Variants in TRIM3 observed in about 807,000 individuals in gnomAD.
The protein encoded by TRIM3 is tripartite motif-containing protein 3.
In TRIM3, 13 loss-of-function variants were observed where a neutral mutation model predicts 66.6. That is an observed-to-expected ratio of 0.20 (90% CI 0.13 to 0.31). The LOEUF (loss-of-function observed/expected upper bound fraction) is 0.31. Among genes scored for constraint, TRIM3 ranks in the 10% least tolerant of loss-of-function variants. The pLI is 1.00. For missense variants in TRIM3, 711 were observed against 1,020.4 expected (o/e 0.70, Z 4.13); for synonymous variants, 406 against 411.7 (o/e 0.99, Z 0.17).
rs750495638 is a variant in TRIM3, at chr11:6,449,299, TACTC to T, written c.2082+3_2082+6del. On this transcript the variant is annotated splice_donor_5th_base_variant and intron_variant, in intron 11 of 11. Transcript: ENST00000345851. This position sits in a 1 kb window ranked among gnomAD's most constrained non-coding sequence, Gnocchi z 5.3. ...GCCCCCTCATGTCATTCCCAGGCCT[TACTC>T]ACCTGGATGCGGCTGTTGCCCCAGT... 86 of 1,613,458 alleles carry T rather than the reference TACTC, an allele frequency of 5.3e-5. No individual in the cohort carries two copies. The highest frequency in any genetic ancestry group is 7.6e-6 in the Non-Finnish European group (9 of 1,179,578).
chr11:6,466,759 A>C (rs1850488330), intron 1 of TRIM3, among the ~76,000 whole-genome samples: 1 of 152,020 alleles, frequency 6.6e-6, no homozygotes, highest in Non-Finnish European at 1.5e-5. Context: ...CACCTCCTTT[A>C]GAAGACCTTC....
In TRIM3 at chr11:6,448,758, A is replaced by G; in HGVS notation, c.*270T>C. 1.6e-6 allele frequency: 1 copy of G among 614,516 alleles called. No homozygotes were observed. The highest frequency in any genetic ancestry group is 2.9e-6 in the Non-Finnish European group (1 of 346,334). 38.1% of individuals were successfully genotyped at this position (614,516 alleles called of 1,614,324 possible). ...AGGCTGGGGGATGGGGAGCAGACTG[A>G]CAGGGGTGGGGAGGTGTGTAAGAAG... is the stretch of plus-strand genomic sequence containing the variant. On this transcript the variant is annotated 3_prime_UTR_variant, in exon 12 of 12. Coordinates refer to ENST00000345851, the MANE Select transcript of TRIM3 (RefSeq NM_033278.4).
Position 6,449,682 on chromosome 11 carries a change from C to CAAAGAA in TRIM3, c.1942-237_1942-236insTTCTTT. Reference sequence around the variant, plus strand: ...TCATTTTCTTTGGGAAATCAGTTCTCTTAGTTCTCTATCTCAATGACTGGT... The same window carrying CAAAGAA: ...TCATTTTCTTTGGGAAATCAGTTCTCAAAGAATTAGTTCTCTATCTCAATGACTGGT... On this transcript the variant is annotated intron_variant, in intron 10 of 11. Coordinates refer to ENST00000345851, the MANE Select transcript of TRIM3 (RefSeq NM_033278.4). This position sits in a 1 kb window ranked among gnomAD's most constrained non-coding sequence, Gnocchi z 5.3. 2 of 463,920 alleles carry CAAAGAA rather than the reference C, an allele frequency of 4.3e-6. No individual in the cohort carries two copies. Among genetic ancestry groups the CAAAGAA allele is most frequent in the South Asian group, 7.9e-5 (2 of 25,418 alleles). The allele number at this position is 463,920 out of a possible 1,614,324, so 28.7% of individuals were successfully genotyped here.
At chr11:6,465,955 C>A (rs1051502380) in intron 1 of TRIM3, among the ~76,000 whole-genome samples, 1 of 152,202 alleles carries the variant, frequency 6.6e-6, no homozygotes, top group South Asian at 2.1e-4. Flanking sequence ...GGCTCAGTCT[C>A]TCACCAGCTA....
chr11:6,450,645 G>A lies in TRIM3; in HGVS notation c.1871-24C>T, dbSNP rs767469858. The A allele has an allele frequency of 1.9e-6, 3 of 1,611,714 alleles. No individual in the cohort carries two copies. In the African/African-American group the frequency reaches 4.0e-5, roughly 22 times the overall value. On this transcript the variant is annotated intron_variant, in intron 9 of 11. Transcript: ENST00000345851. The surrounding 1 kb of genome is among the most constrained non-coding windows in gnomAD (Gnocchi z 4.8). Reference sequence around the variant, plus strand: ...CCCTGAAAATACAAAGTGGTCTTCAGGGCAGTAAGCTGGGATGCTGAGTGG... The same window carrying A: ...CCCTGAAAATACAAAGTGGTCTTCAAGGCAGTAAGCTGGGATGCTGAGTGG...
intron 2 of TRIM3, among the ~76,000 whole-genome samples, chr11:6,462,435 C>T (rs184205866): frequency 4.3e-4 from 65 of 152,028 alleles, no homozygotes; most frequent in Non-Finnish European, 7.9e-4. Flanking sequence ...TAAGATAGAG[C>T]CTCTCTCTGT....
chr11:6,470,855 C>G (rs1850661793), intron 1 of TRIM3, among the ~76,000 whole-genome samples: 2 of 152,146 alleles, frequency 1.3e-5, no homozygotes, highest in African/African-American at 4.8e-5. Context: ...ATTGAGAAGG[C>G]ACAACCAGAG....
chr11:6,465,758 G>C (rs1420885405), intron 1 of TRIM3, 26 bp from the exon 2 acceptor site: 21 of 1,600,866 alleles, frequency 1.3e-5, no homozygotes, highest in Admixed American at 1.7e-5. Flanking sequence ...GTCAGCACCA[G>C]GGAGTCCAGA....
intron 7 of TRIM3, chr11:6,452,436 C>A (rs1344532104): frequency 2.6e-5 from 4 of 152,296 alleles, no homozygotes; most frequent in Non-Finnish European, 5.9e-5. Flanking sequence ...CCAGGAGCAG[C>A]CTTGGAGAAC....
rs992589032 is a variant in TRIM3 at position 6,449,459 on chromosome 11, G to C, written c.1942-13C>G. Reference sequence around the variant, plus strand: ...CGGCACTGTACACCTGGCGGGGGAAGGGGCTAGGGACTGGGGACCTGGCCT... The same window carrying C: ...CGGCACTGTACACCTGGCGGGGGAACGGGCTAGGGACTGGGGACCTGGCCT... On this transcript the variant is annotated splice_polypyrimidine_tract_variant and intron_variant, in intron 10 of 11. Coordinates refer to ENST00000345851, the MANE Select transcript of TRIM3 (RefSeq NM_033278.4). This position sits in a 1 kb window ranked among gnomAD's most constrained non-coding sequence, Gnocchi z 5.3. 1.9e-6 allele frequency: 3 copies of C among 1,610,272 alleles called. No individual in the cohort carries two copies. The highest frequency in any genetic ancestry group is 2.5e-6 in the Non-Finnish European group (3 of 1,177,542).
intron 2 of TRIM3, among the ~76,000 whole-genome samples, chr11:6,461,437 T>A (rs1850232959): frequency 6.6e-6 from 1 of 152,106 alleles, no homozygotes; most frequent in Non-Finnish European, 1.5e-5. Context: ...CACTTCCAAT[T>A]GTGGACATCT....
chr11:6,458,378 C>T lies in TRIM3; in HGVS notation c.132-82G>A. The T allele has an allele frequency of 2.6e-6, 3 of 1,137,334 alleles. No individual in the cohort carries two copies. Among genetic ancestry groups the T allele is most frequent in the Non-Finnish European group, 3.8e-6 (3 of 779,362 alleles). 70.5% of individuals were successfully genotyped at this position (1,137,334 alleles called of 1,614,324 possible). On this transcript the variant is annotated intron_variant, in intron 2 of 11. Coordinates refer to ENST00000345851, the MANE Select transcript of TRIM3 (RefSeq NM_033278.4). The surrounding 1 kb of genome is among the most constrained non-coding windows in gnomAD (Gnocchi z 6.2). ...TCCTTATACTTCCCATGGGTGCCAA[C>T]CCCTTCCCTCACAGGTGTGCCATTA...
intron 1 of TRIM3, among the ~76,000 whole-genome samples, chr11:6,466,011 T>G (rs545311526): frequency 6.6e-6 from 1 of 152,352 alleles, no homozygotes; most frequent in East Asian, 1.9e-4. Flanking sequence ...CTCAGTCTCT[T>G]AATTTGTAAT....
At chr11:6,467,561 T>C (rs1216364270) in intron 1 of TRIM3, among the ~76,000 whole-genome samples, 1 of 152,114 alleles carries the variant, frequency 6.6e-6, no homozygotes, top group East Asian at 1.9e-4. Context: ...AGCCCAGGAA[T>C]TGGAGATCAG....
Position 6,450,694 on chromosome 11 carries a change from A to T in TRIM3, c.1871-73T>A. 2.0e-6 allele frequency: 3 copies of T among 1,513,390 alleles called. No homozygotes were observed. The South Asian group carries it at 3.4e-5, about 17-fold the overall frequency. The allele number at this position is 1,513,390 out of a possible 1,614,324, so 93.7% of individuals were successfully genotyped here. ...GGGATGGGGAAGAGTATCTGGGAAG[A>T]TAAAAGCTAGGGTGTTAGGAGAGGG... On this transcript the variant is annotated intron_variant, in intron 9 of 11. Transcript: ENST00000345851. The surrounding 1 kb of genome is among the most constrained non-coding windows in gnomAD (Gnocchi z 4.8).
rs1222151859 is a variant in TRIM3, at chr11:6,471,941, C to T, written c.-38+1850G>A. Among the ~76,000 whole-genome samples, 2 of 152,010 alleles carry T rather than the reference C, an allele frequency of 1.3e-5. 1 individual carries two copies. Among genetic ancestry groups the T allele is most frequent in the Admixed American group, 1.3e-4 (2 of 15,256 alleles). On this transcript the variant is annotated intron_variant, in intron 1 of 11. Coordinates refer to ENST00000345851, the MANE Select transcript of TRIM3 (RefSeq NM_033278.4). ...GAGGTTATACATGATGCTTTTACAT[C>T]CTAAAAGCATAAAAATAAATATGCT...
chr11:6,458,427 C>T lies in TRIM3; in HGVS notation c.132-131G>A. On this transcript the variant is annotated intron_variant, in intron 2 of 11. Coordinates refer to ENST00000345851, the MANE Select transcript of TRIM3 (RefSeq NM_033278.4). The surrounding 1 kb of genome is among the most constrained non-coding windows in gnomAD (Gnocchi z 6.2). ...TACACTTCATTTTAAAACCTCTCTGCTTGACACATCTCATCTGCCAGCAGG... is the reference window on the plus strand; with the variant it reads ...TACACTTCATTTTAAAACCTCTCTGTTTGACACATCTCATCTGCCAGCAGG... The T allele has an allele frequency of 1.4e-6, 1 of 714,364 alleles. No homozygotes were observed. The highest frequency in any genetic ancestry group is 2.3e-6 in the Non-Finnish European group (1 of 426,394). 44.3% of individuals were successfully genotyped at this position (714,364 alleles called of 1,614,324 possible). A position where few individuals can be genotyped will look rare whatever the true frequency, so the allele number is the denominator to read the frequency against.
At position 6,448,622 on chromosome 11, in the gene TRIM3, A is replaced by C; in HGVS notation, c.*406T>G. ...GAACCCAGCAAAAACATCTTGGTGA[A>C]GACATTTATTTAATATGGGGGGTGG... On this transcript the variant is annotated 3_prime_UTR_variant, in exon 12 of 12. Transcript: ENST00000345851. 1 of 369,624 alleles carries C rather than the reference A, an allele frequency of 2.7e-6. No homozygotes were observed. Among genetic ancestry groups the C allele is most frequent in the Non-Finnish European group, 5.0e-6 (1 of 202,004 alleles). The allele number at this position is 369,624 out of a possible 1,614,324, so 22.9% of individuals were successfully genotyped here.
intron 2 of TRIM3, among the ~76,000 whole-genome samples, chr11:6,460,341 A>T (rs1423388469): frequency 6.6e-6 from 1 of 152,024 alleles, no homozygotes; most frequent in African/African-American, 2.4e-5. Flanking sequence ...TCCAATGAGG[A>T]GCTGGTTGAG....
Sources: gnomAD v4.1 joint callset for allele counts (sites outside exome capture counted in the v4.1 genomes callset) on GRCh38, gnomAD v4.1.1 for gene constraint, Gnocchi (gnomAD v3.1) non-coding constraint, MANE v1.5 for transcripts, NCBI Gene and HGNC (gene_info 2026-07-23, HGNC 2026-07-21) for gene names.